CAMTA1: variants seen among roughly 807,000 people sequenced by gnomAD.
CAMTA1 encodes calmodulin binding transcription activator 1.
CAMTA1 carries 27 observed loss-of-function variants against 170.9 expected under a neutral mutation model. That is an observed-to-expected ratio of 0.16 (90% confidence interval 0.12 to 0.22). CAMTA1 has a LOEUF of 0.22. Among genes scored for constraint, CAMTA1 ranks in the 10% least tolerant of loss-of-function variants. The pLI, the probability that CAMTA1 is intolerant of heterozygous loss-of-function variation, is 1.00. For missense variants in CAMTA1, 1,619 were observed against 2,217.2 expected (o/e 0.73, Z 5.42); for synonymous variants, 833 against 891.5 (o/e 0.93, Z 1.17).
intron 7 of CAMTA1, among the ~76,000 whole-genome samples, chr1:7,660,623 C>G (rs1037112473): frequency 5.3e-5 from 8 of 152,190 alleles, no homozygotes; most frequent in Admixed American, 2.6e-4. Context: ...TCTCCTTGTC[C>G]CCCTACCTTC....
intron 2 of CAMTA1, among the ~76,000 whole-genome samples, chr1:6,821,474 A>C (rs954170233): frequency 3.3e-5 from 5 of 152,174 alleles, no homozygotes; most frequent in African/African-American, 1.2e-4. Flanking sequence ...AAAATTGTAG[A>C]GCTTCCTTTT....
At chr1:7,564,144 G>A (rs866262861) in intron 6 of CAMTA1, among the ~76,000 whole-genome samples, 24 of 152,234 alleles carry the variant, frequency 1.6e-4, no homozygotes, top group African/African-American at 5.5e-4. Context: ...CCGACCCCAT[G>A]TCCCCTCCTG....
intron 4 of CAMTA1, among the ~76,000 whole-genome samples, chr1:7,115,663 G>A (rs1644290889): frequency 6.7e-6 from 1 of 148,454 alleles, no homozygotes; most frequent in Non-Finnish European, 1.5e-5. Flanking sequence ...GAGAGCTGAT[G>A]ATGTTGTTCC....
intron 5 of CAMTA1, among the ~76,000 whole-genome samples, chr1:7,318,462 C>T (rs1191954855): frequency 1.3e-5 from 2 of 152,140 alleles, no homozygotes; most frequent in Non-Finnish European, 2.9e-5. Flanking sequence ...GGGATATTTA[C>T]AAGGGACCCT....
intron 4 of CAMTA1, among the ~76,000 whole-genome samples, chr1:7,096,683 C>T (rs2148192504): frequency 6.6e-6 from 1 of 152,330 alleles, no homozygotes; most frequent in African/African-American, 2.4e-5. Context: ...TTCACATCCT[C>T]ATTTTCGTAT....
intron 7 of CAMTA1, among the ~76,000 whole-genome samples, chr1:7,652,938 G>A (rs993426281): frequency 5.3e-5 from 8 of 152,182 alleles, no homozygotes; most frequent in African/African-American, 1.7e-4. Context: ...TCTGAGTCTC[G>A]GTTTTGGCAT....
At chr1:7,639,064 T>C (rs908689047) in intron 6 of CAMTA1, among the ~76,000 whole-genome samples, 9 of 152,162 alleles carry the variant, frequency 5.9e-5, no homozygotes, top group East Asian at 1.9e-4. Flanking sequence ...CTGCAAGCTC[T>C]GCCTCCCAGA....
chr1:7,396,493 C>G (rs1227105823), intron 5 of CAMTA1, among the ~76,000 whole-genome samples: 1 of 152,204 alleles, frequency 6.6e-6, no homozygotes. Context: ...TTATTTCTTT[C>G]TCTTGCCTAA....
At chr1:7,226,558 T>C (rs1243512275) in intron 4 of CAMTA1, among the ~76,000 whole-genome samples, 1 of 152,186 alleles carries the variant, frequency 6.6e-6, no homozygotes. Context: ...TCCTCTGAAG[T>C]CCCATTTCCC....
intron 22 of CAMTA1, among the ~76,000 whole-genome samples, chr1:7,761,751 T>C (rs2096977754): frequency 6.6e-6 from 1 of 152,210 alleles, no homozygotes; most frequent in South Asian, 2.1e-4. Context: ...GTCTACAAAA[T>C]TGAATTTTTT....
chr1:7,220,474 A>G (rs1660550972), intron 4 of CAMTA1, among the ~76,000 whole-genome samples: 2 of 151,918 alleles, frequency 1.3e-5, no homozygotes, highest in African/African-American at 4.8e-5. Context: ...CTCTGGGTGG[A>G]TACCCCATTC....
chr1:6,848,682 T>G (rs1304186494), intron 3 of CAMTA1, among the ~76,000 whole-genome samples: 1 of 152,248 alleles, frequency 6.6e-6, no homozygotes, highest in Non-Finnish European at 1.5e-5. Context: ...GTCACACTTT[T>G]TCTCTACTCT....
chr1:7,410,959 CTGTG>C (rs1022224289), intron 5 of CAMTA1, among the ~76,000 whole-genome samples: 9 of 149,748 alleles, frequency 6.0e-5, no homozygotes, highest in Non-Finnish European at 1.0e-4. Context: ...GTGTGTATGT[CTGTG>C]TGTGTATGTG....
chr1:6,859,193 A>G (rs1199699233), intron 3 of CAMTA1, among the ~76,000 whole-genome samples: 1 of 151,820 alleles, frequency 6.6e-6, no homozygotes, highest in African/African-American at 2.4e-5. Context: ...GCTTGTGTAA[A>G]TCGCGTGTGT....
intron 5 of CAMTA1, among the ~76,000 whole-genome samples, chr1:7,335,177 A>G: frequency 2.4e-5 from 1 of 41,238 alleles, no homozygotes; most frequent in African/African-American, 1.4e-4. Flanking sequence ...GGGGTGTCAG[A>G]CCCCGAGGCT....
chr1:6,796,734 T>G (rs940308590), intron 1 of CAMTA1, among the ~76,000 whole-genome samples: 1 of 152,162 alleles, frequency 6.6e-6, no homozygotes, highest in Admixed American at 6.5e-5. Context: ...CGGTTTCTCC[T>G]CTAGGGAGGT....
chr1:7,190,013 C>G (rs917987153), intron 4 of CAMTA1, among the ~76,000 whole-genome samples: 5 of 152,128 alleles, frequency 3.3e-5, no homozygotes, highest in Non-Finnish European at 5.9e-5. Context: ...GATTATTTTT[C>G]TAAGTGAAGT....
chr1:7,141,921 C>T (rs1645911702), intron 4 of CAMTA1, among the ~76,000 whole-genome samples: 1 of 152,136 alleles, frequency 6.6e-6, no homozygotes, highest in Non-Finnish European at 1.5e-5. Flanking sequence ...AAACCAGGGG[C>T]TTGTGGTAGA....
At chr1:7,169,769 T>G (rs977321667) in intron 4 of CAMTA1, among the ~76,000 whole-genome samples, 2 of 152,226 alleles carry the variant, frequency 1.3e-5, no homozygotes, top group African/African-American at 4.8e-5. Context: ...TCAAGTGATC[T>G]GCTCTCTTCA....
Sources: gnomAD v4.1 joint callset for allele counts (sites outside exome capture counted in the v4.1 genomes callset) on GRCh38, gnomAD v4.1.1 for gene constraint, MANE v1.5 for transcripts, NCBI Gene and HGNC (gene_info 2026-07-23, HGNC 2026-07-21) for gene names.